Variants in ACP4 observed in about 807,000 individuals in gnomAD.
The protein encoded by ACP4 is acid phosphatase 4.
ACP4 carries 49 observed loss-of-function variants against 47.3 expected under a neutral mutation model. That is an observed-to-expected ratio of 1.04 (90% CI 0.82 to 1.32). The LOEUF is 1.32. Ranked by LOEUF, ACP4 falls within the 40% of genes most tolerant of loss-of-function variation. The pLI is 0.00. For missense variants in ACP4, 594 were observed against 579.3 expected, an observed-to-expected ratio of 1.03 and a Z score of -0.26; for synonymous variants, 299 against 265.3, an observed-to-expected ratio of 1.13 and a Z score of -1.23.
At position 50,794,481 on chromosome 19, in the gene ACP4, C is replaced by A. The variant is rs1358779221; in HGVS notation, c.886C>A (p.Gln296Lys). The change falls in exon 9 of 11, where the codon CAG (glutamine) becomes AAG (lysine). Residue 296 changes from glutamine to lysine, a missense_variant. Physicochemically the swap from Gln to Lys is moderately conservative, Grantham distance 53. Coordinates refer to ENST00000270593, the MANE Select transcript of ACP4 (RefSeq NM_033068.3). ...SAHDSTLLAL[Q>K]GALGLYDGHT... ...GCATGACAGCACCCTGCTGGCCCTCCAGGGGGCCCTGGGCCTCTATGATGG... is the reference window on the plus strand; with the variant it reads ...GCATGACAGCACCCTGCTGGCCCTCAAGGGGGCCCTGGGCCTCTATGATGG... 7 of 1,613,406 alleles carry A rather than the reference C, an allele frequency of 4.3e-6. No homozygotes were observed. The highest frequency in any genetic ancestry group is 5.1e-6 in the Non-Finnish European group (6 of 1,179,930).
rs781492393 is a variant in ACP4, at chr19:50,792,138, C to T, written c.516C>T (p.Ala172=). Residue 172 remains alanine (A), a synonymous_variant, in exon 5 of 11, where the codon GCC becomes GCT. Coordinates refer to ENST00000270593, the MANE Select transcript of ACP4 (RefSeq NM_033068.3). The part of the protein sequence containing the change: ...YHELLREATE[A]AEYQEALEGW... ...AGCTGCTGCGGGAGGCCACCGAGGC[C>T]GCCGAGTACCAGGAGGCCCTGGAGG... 36 of 1,608,716 alleles carry T rather than the reference C, an allele frequency of 2.2e-5. No individual in the cohort carries two copies. The highest frequency in any genetic ancestry group is 1.1e-4 in the South Asian group (10 of 90,764).
At chr19:50,794,088 C>T in intron 8 of ACP4, 118 bp downstream of exon 8, 1 of 1,222,556 alleles carries the variant, frequency 8.2e-7, no homozygotes, top group Non-Finnish European at 1.2e-6. Flanking sequence ...CTGGGGTAAC[C>T]CGTATCTCCA....
chr19:50,794,105 A>G (rs2089533887), intron 8 of ACP4, 135 bp downstream of exon 8: 4 of 1,011,410 alleles, frequency 4.0e-6, no homozygotes, highest in Middle Eastern at 2.9e-4. Context: ...TCCAAACCCT[A>G]CTCTCAGGCT....
Position 50,791,809 on chromosome 19 carries a change from G to C in ACP4, c.450+7G>C, listed in dbSNP as rs747660379. On this transcript the variant is annotated splice_region_variant and intron_variant, in intron 4 of 10. Coordinates refer to ENST00000270593, the MANE Select transcript of ACP4 (RefSeq NM_033068.3). The stretch of plus-strand genomic sequence containing the variant: ...GCCCGTGGCTGAGGATAAGGTCAGG[G>C]GGCTGGACCCACGTGTGGCGAGGGA... 13 of 1,588,984 alleles carry C rather than the reference G, an allele frequency of 8.2e-6. No individual in the cohort carries two copies. The highest frequency in any genetic ancestry group is 1.1e-5 in the Non-Finnish European group (13 of 1,165,808).
rs2089516469 is a variant in ACP4, at chr19:50,792,242, G to A, written c.550G>A (p.Gly184Ser). ...EYQEALEGWTGFLSRLENFTG... is the reference protein window; with the variant it reads ...EYQEALEGWTSFLSRLENFTG... The stretch of plus-strand genomic sequence containing the variant: ...GGCTCACCCAGCCCCGCGCATCCAG[G>A]GCTTCCTGAGTCGCCTGGAGAACTT... Residue 184 changes from glycine to serine, a missense_variant and splice_region_variant, in exon 6 of 11, where the codon GGC (glycine) becomes AGC (serine). By Grantham distance (56) the Gly-to-Ser change is moderately conservative. Coordinates refer to ENST00000270593, the MANE Select transcript of ACP4 (RefSeq NM_033068.3). 1 of 1,613,130 alleles carries A rather than the reference G, an allele frequency of 6.2e-7. No individual in the cohort carries two copies. Among genetic ancestry groups the A allele is most frequent in the Non-Finnish European group, 8.5e-7 (1 of 1,179,966 alleles).
At chr19:50,792,589 C>G (rs2089519538) in intron 6 of ACP4, 2 of 467,434 alleles carry the variant, frequency 4.3e-6, no homozygotes, top group Non-Finnish European at 3.8e-6. Flanking sequence ...GGGTTTGAGG[C>G]TACACATTTG....
In ACP4 at chr19:50,794,858, C is replaced by T. The variant is rs761143651; in HGVS notation, c.1059C>T (p.Cys353=). The part of the protein sequence containing the change: ...HLPLPLSLPG[C]PAPCPLGRFY... ...CCCTGCCTCTCAGCCTCCCCGGGTG[C>T]CCGGCCCCCTGTCCACTAGGCCGCT... The change falls in exon 10 of 11, where the codon TGC becomes TGT. Residue 353 remains cysteine (C), a synonymous_variant. Coordinates refer to ENST00000270593, the MANE Select transcript of ACP4 (RefSeq NM_033068.3). The T allele has an allele frequency of 2.5e-6, 4 of 1,613,590 alleles. No individual in the cohort carries two copies. Among genetic ancestry groups the T allele is most frequent in the Non-Finnish European group, 3.4e-6 (4 of 1,179,902 alleles).
chr19:50,794,387 C>A (rs73586825), intron 8 of ACP4, 70 bp from the exon 9 acceptor site: 4 of 1,582,008 alleles, frequency 2.5e-6, no homozygotes, highest in African/African-American at 1.4e-5. Flanking sequence ...CATCTGGATG[C>A]GCAAGTGTAG....
chr19:50,790,995 T>G, intron 3 of ACP4, 135 bp downstream of exon 3: 3 of 829,240 alleles, frequency 3.6e-6, no homozygotes, highest in Non-Finnish European at 5.6e-6. Context: ...CTCTAATCTC[T>G]GACCCCCGAT....
In ACP4 at chr19:50,794,495, C is replaced by A; in HGVS notation, c.900C>A (p.Gly300=). 1 of 1,613,652 alleles carries A rather than the reference C, an allele frequency of 6.2e-7. No homozygotes were observed. Among genetic ancestry groups the A allele is most frequent in the Non-Finnish European group, 8.5e-7 (1 of 1,179,952 alleles). The change falls in exon 9 of 11, where the codon GGC becomes GGA. Residue 300 remains glycine (G), a synonymous_variant. Coordinates refer to ENST00000270593, the MANE Select transcript of ACP4 (RefSeq NM_033068.3). ...STLLALQGAL[G]LYDGHTPPYA... ...TGCTGGCCCTCCAGGGGGCCCTGGG[C>A]CTCTATGATGGACACACCCCGCCAT...
In ACP4 at chr19:50,791,991, C is replaced by T. The variant is rs544529136; in HGVS notation, c.451-82C>T. 22 of 1,480,526 alleles carry T rather than the reference C, an allele frequency of 1.5e-5. No individual in the cohort carries two copies. In the African/African-American group the frequency reaches 1.7e-4, roughly 11 times the overall value. The allele number at this position is 1,480,526 out of a possible 1,614,324, so 91.7% of individuals were successfully genotyped here. ...GAAACTGCGACAAAGACGCAGGGGC[C>T]GAGAGCCCGGGTTCCCCCGACCCGC... On this transcript the variant is annotated intron_variant, in intron 4 of 10. Transcript: ENST00000270593.
Position 50,794,899 on chromosome 19 carries a change from CCCCGG to C in ACP4, c.1108_1112del (p.Arg370SerfsTer12). ...CTAGGCCGCTTCTACCAGCTGACTGCCCCGGCCCGGCCTCCCGCCCATGGGGTCTC... is the reference window on the plus strand; with the variant it reads ...CTAGGCCGCTTCTACCAGCTGACTGCCCCGGCCTCCCGCCCATGGGGTCTC... On this transcript the variant is annotated frameshift_variant, in exon 10 of 11. Coordinates refer to ENST00000270593, the MANE Select transcript of ACP4 (RefSeq NM_033068.3). LOFTEE classifies it high-confidence loss of function. 1 of 1,613,602 alleles carries C rather than the reference CCCCGG, an allele frequency of 6.2e-7. No homozygotes were observed. Among genetic ancestry groups the C allele is most frequent in the Non-Finnish European group, 8.5e-7 (1 of 1,179,918 alleles).
At chr19:50,793,991 G>A (rs1236649039) in intron 8 of ACP4, 21 bp downstream of exon 8, 3 of 1,613,366 alleles carry the variant, frequency 1.9e-6, no homozygotes, top group Non-Finnish European at 1.7e-6. Context: ...GGGAAGCAGT[G>A]CCACATGGCA....
chr19:50,790,521 C>A lies in ACP4; in HGVS notation c.107C>A (p.Ala36Asp). Residue 36 changes from alanine (A) to aspartate (D), a missense_variant, in exon 1 of 11, where the codon GCT (alanine) becomes GAT (aspartate). Coordinates refer to ENST00000270593, the MANE Select transcript of ACP4 (RefSeq NM_033068.3). Reference sequence around the variant, plus strand: ...CCAGAAGGACCCCTGGTGTTCGTGGCTCTGGTGAGGCGCCCCCACCCCGGC... The same window carrying A: ...CCAGAAGGACCCCTGGTGTTCGTGGATCTGGTGAGGCGCCCCCACCCCGGC... ...ALPEGPLVFVALVFRHGDRAP... is the reference protein window; with the variant it reads ...ALPEGPLVFVDLVFRHGDRAP... The A allele has an allele frequency of 6.5e-7, 1 of 1,546,314 alleles. No individual in the cohort carries two copies.
In ACP4 at chr19:50,792,122, G is replaced by T; in HGVS notation, c.500G>T (p.Arg167Leu). The change falls in exon 5 of 11, where the codon CGG becomes CTG. Residue 167 changes from arginine to leucine, a missense_variant. Physicochemically the swap from Arg to Leu is moderately radical, Grantham distance 102. Coordinates refer to ENST00000270593, the MANE Select transcript of ACP4 (RefSeq NM_033068.3). ...RSCPRYHELLREATEAAEYQE... is the reference protein window; with the variant it reads ...RSCPRYHELLLEATEAAEYQE... ...TGTCCCCGATACCACGAGCTGCTGCGGGAGGCCACCGAGGCCGCCGAGTAC... is the reference window on the plus strand; with the variant it reads ...TGTCCCCGATACCACGAGCTGCTGCTGGAGGCCACCGAGGCCGCCGAGTAC... 1 of 1,607,170 alleles carries T rather than the reference G, an allele frequency of 6.2e-7. No homozygotes were observed.
In ACP4 at chr19:50,794,939, C is replaced by T. The variant is rs1299385967; in HGVS notation, c.1140C>T (p.Gly380=). The T allele has an allele frequency of 6.2e-7, 1 of 1,613,008 alleles. No individual in the cohort carries two copies. ...RPPAHGVSCH[G]PYEAAIPPAP... Reference sequence around the variant, plus strand: ...CCGCCCATGGGGTCTCCTGCCATGGCCCCTATGAGGCTGCCATCCCCCCAG... The same window carrying T: ...CCGCCCATGGGGTCTCCTGCCATGGTCCCTATGAGGCTGCCATCCCCCCAG... Residue 380 remains glycine (G), a synonymous_variant, in exon 10 of 11, where the codon GGC becomes GGT. Coordinates refer to ENST00000270593, the MANE Select transcript of ACP4 (RefSeq NM_033068.3).
At chr19:50,791,995 A>G in intron 4 of ACP4, 78 bp from the exon 5 acceptor site, 1 of 1,484,326 alleles carries the variant, frequency 6.7e-7, no homozygotes, top group Non-Finnish European at 9.0e-7. Context: ...AGGGGCCGAG[A>G]GCCCGGGTTC....
In ACP4 at chr19:50,792,329, A is replaced by G. The variant is rs1303630684; in HGVS notation, c.637A>G (p.Met213Val). ...RRAWKVLDTLMCQQAHGLPLP... is the reference protein window; with the variant it reads ...RRAWKVLDTLVCQQAHGLPLP... ...GGCATGGAAGGTTCTGGACACCCTC[A>G]TGTGCCAGGTGAGCCCTGCCCCTTC... The change falls in exon 6 of 11, where the codon ATG (methionine) becomes GTG (valine). Residue 213 changes from methionine (M) to valine (V), a missense_variant. Coordinates refer to ENST00000270593, the MANE Select transcript of ACP4 (RefSeq NM_033068.3). 7 of 1,613,044 alleles carry G rather than the reference A, an allele frequency of 4.3e-6. No individual in the cohort carries two copies. The African/African-American group carries it at 6.7e-5, about 15-fold the overall frequency.
At position 50,792,280 on chromosome 19, in the gene ACP4, G is replaced by A. The variant is rs776221455; in HGVS notation, c.588G>A (p.Ser196=). Residue 196 remains serine, a synonymous_variant, in exon 6 of 11, where the codon TCG becomes TCA. Coordinates refer to ENST00000270593, the MANE Select transcript of ACP4 (RefSeq NM_033068.3). ...GCCTGGAGAACTTCACGGGACTGTCGCTGGTTGGAGAGCCACTGCGCAGGG... is the reference window on the plus strand; with the variant it reads ...GCCTGGAGAACTTCACGGGACTGTCACTGGTTGGAGAGCCACTGCGCAGGG... The part of the protein sequence containing the change: ...LSRLENFTGL[S]LVGEPLRRAW... 2.5e-5 allele frequency: 40 copies of A among 1,613,400 alleles called. No homozygotes were observed. The highest frequency in any genetic ancestry group is 3.1e-5 in the Non-Finnish European group (36 of 1,180,030).
Sources: gnomAD v4.1 joint callset for allele counts on GRCh38, gnomAD v4.1.1 for gene constraint, MANE v1.5 for transcripts, NCBI Gene and HGNC (gene_info 2026-07-23, HGNC 2026-07-21) for gene names.